The following C15orf40 variants were observed in gnomAD, a reference collection of about 807,000 sequenced individuals.
C15orf40 encodes UPF0235 protein C15orf40.
A neutral mutation model predicts 13.9 loss-of-function variants in C15orf40; 9 were observed. The observed-to-expected ratio is 0.65, with a 90% CI of 0.39 to 1.13. C15orf40 has a LOEUF of 1.13. Among genes scored for constraint, C15orf40 ranks in the 50% most tolerant of loss-of-function variants. C15orf40 has a pLI of 0.01. For missense variants in C15orf40, 225 were observed against 188.5 expected (o/e 1.19, Z -1.13); for synonymous variants, 95 against 69.2 (o/e 1.37, Z -1.85).
rs1234772034 is a variant in C15orf40, at chr15:82,999,488, G to A, written c.*6109C>T. ...TGGGATTACAAGCGTGAGCCAACAT[G>A]GCCAGCCTTACCTTTTACTTTTAAA... On this transcript the variant is annotated 3_prime_UTR_variant, in exon 4 of 4. Transcript: ENST00000304177. 6.6e-6 allele frequency: 1 copy of A among 152,120 alleles called. No homozygotes were observed. Among genetic ancestry groups the A allele is most frequent in the Non-Finnish European group, 1.5e-5 (1 of 68,048 alleles). The allele number at this position is 152,120 out of a possible 1,614,324, so 9.4% of individuals were successfully genotyped here.
chr15:83,007,649 G>C (rs1022437961), intron 3 of C15orf40, among the ~76,000 whole-genome samples: 2 of 152,196 alleles, frequency 1.3e-5, no homozygotes, highest in African/African-American at 4.8e-5. Context: ...CCAGCACTTT[G>C]GGAGGCTGAG....
chr15:83,011,546 GCGGA>G lies in C15orf40; in HGVS notation c.58_61del (p.Ser20LeufsTer32). ...AGGCATCTCGGCGCAAAGAAGCCGA[GCGGA>G]GCCCCGAGTATTGGGTGTTGCCCGA... is the stretch of plus-strand genomic sequence containing the variant. On this transcript the variant is annotated frameshift_variant, in exon 1 of 4. Transcript: ENST00000304177. LOFTEE classifies it high-confidence loss of function. 1 of 1,606,478 alleles carries G rather than the reference GCGGA, an allele frequency of 6.2e-7. No individual in the cohort carries two copies. The highest frequency in any genetic ancestry group is 8.5e-7 in the Non-Finnish European group (1 of 1,178,386).
rs976510394 is a variant in C15orf40 at position 83,003,951 on chromosome 15, T to A, written c.*1646A>T. 2.0e-5 allele frequency: 3 copies of A among 152,306 alleles called. No individual in the cohort carries two copies. The highest frequency in any genetic ancestry group is 3.9e-4 in the East Asian group (2 of 5,188). The allele number at this position is 152,306 out of a possible 1,614,324, so 9.4% of individuals were successfully genotyped here. A position where few individuals can be genotyped will look rare whatever the true frequency, so the allele number is the denominator to read the frequency against. Reference sequence around the variant, plus strand: ...TTAGTAGAGATGGGGTTTTACTATGTTGGCCGGGCTGGTCTCAAACTCCTA... The same window carrying A: ...TTAGTAGAGATGGGGTTTTACTATGATGGCCGGGCTGGTCTCAAACTCCTA... On this transcript the variant is annotated 3_prime_UTR_variant, in exon 4 of 4. Coordinates refer to ENST00000304177, the MANE Select transcript of C15orf40 (RefSeq NM_144597.3).
In C15orf40 at chr15:82,997,100, T is replaced by C. The variant is rs1402503604; in HGVS notation, c.*8497A>G. The C allele has an allele frequency of 6.7e-6, 1 of 150,058 alleles. No homozygotes were observed. Among genetic ancestry groups the C allele is most frequent in the Non-Finnish European group, 1.5e-5 (1 of 67,552 alleles). 9.3% of individuals were successfully genotyped at this position (150,058 alleles called of 1,614,324 possible). A position where few individuals can be genotyped will look rare whatever the true frequency, so the allele number is the denominator to read the frequency against. ...CTGTTATTTTCCTGTCTTTATTCAC[T>C]GTTCTCTATCTTGCCTTCTAAATTT... On this transcript the variant is annotated 3_prime_UTR_variant, in exon 4 of 4. Transcript: ENST00000304177.
chr15:83,009,474 A>T (rs2031877794), intron 2 of C15orf40, among the ~76,000 whole-genome samples: 1 of 152,242 alleles, frequency 6.6e-6, no homozygotes, highest in Admixed American at 6.5e-5. Context: ...TAGCACGTCA[A>T]TGTTGTGGTT....
chr15:83,005,075 C>T lies in C15orf40; in HGVS notation c.*522G>A, dbSNP rs142588352. 388 of 1,192,090 alleles carry T rather than the reference C, an allele frequency of 3.3e-4. No individual in the cohort carries two copies. The highest frequency in any genetic ancestry group is 3.2e-4 in the Non-Finnish European group (299 of 928,996). The allele number at this position is 1,192,090 out of a possible 1,614,324, so 73.8% of individuals were successfully genotyped here. A position where few individuals can be genotyped will look rare whatever the true frequency, so the allele number is the denominator to read the frequency against. Reference sequence around the variant, plus strand: ...CTGTTATTTTACAACGCCATGAAATCAGAGTAACATGTTCCAGGCTGTTTG... The same window carrying T: ...CTGTTATTTTACAACGCCATGAAATTAGAGTAACATGTTCCAGGCTGTTTG... On this transcript the variant is annotated 3_prime_UTR_variant, in exon 4 of 4. Transcript: ENST00000304177.
At chr15:82,992,083 G>A (rs760182005), downstream of C15orf40, 4 of 422,428 alleles carry the variant, frequency 9.5e-6, no homozygotes, top group South Asian at 3.6e-5. Context: ...GGGTGTGGTG[G>A]TGCACGCCTG....
chr15:83,008,387 C>G (rs757128988), intron 3 of C15orf40, 161 bp downstream of exon 3: 1 of 634,362 alleles, frequency 1.6e-6, no homozygotes, highest in Non-Finnish European at 2.7e-6. Context: ...GGCATGGTGG[C>G]ATGCGCCTAT....
At position 83,001,477 on chromosome 15, in the gene C15orf40, A is replaced by T. The variant is rs1240499744; in HGVS notation, c.*4120T>A. The T allele has an allele frequency of 5.1e-6, 1 of 197,328 alleles. No homozygotes were observed. The highest frequency in any genetic ancestry group is 9.1e-6 in the Non-Finnish European group (1 of 109,576). 12.2% of individuals were successfully genotyped at this position (197,328 alleles called of 1,614,324 possible). A position where few individuals can be genotyped will look rare whatever the true frequency, so the allele number is the denominator to read the frequency against. ...CTTATTCATAGGCTGCTTCAAATCC[A>T]GGATTCTCAGGACAGCACAGGACAA... On this transcript the variant is annotated 3_prime_UTR_variant, in exon 4 of 4. Transcript: ENST00000304177.
At position 83,011,609 on chromosome 15, in the gene C15orf40, C is replaced by T. The variant is rs1428575901; in HGVS notation, c.-2G>A. Reference sequence around the variant, plus strand: ...CAGCCCGCTGCGGAGCCGCAGCATCCCCGCCTGGGAAGGCGCCGGAAGAGC... The same window carrying T: ...CAGCCCGCTGCGGAGCCGCAGCATCTCCGCCTGGGAAGGCGCCGGAAGAGC... On this transcript the variant is annotated 5_prime_UTR_variant, in exon 1 of 4. Coordinates refer to ENST00000304177, the MANE Select transcript of C15orf40 (RefSeq NM_144597.3). 1.3e-6 allele frequency: 2 copies of T among 1,575,344 alleles called. No individual in the cohort carries two copies. The highest frequency in any genetic ancestry group is 1.4e-5 in the African/African-American group (1 of 73,468).
Position 83,001,309 on chromosome 15 carries a change from G to A in C15orf40, c.*4288C>T. The stretch of plus-strand genomic sequence containing the variant: ...ATAGGCAAACCACCTAGCAGTGTCT[G>A]TCAAGTAAGCAACCAAGTTAATAAG... On this transcript the variant is annotated 3_prime_UTR_variant, in exon 4 of 4. Transcript: ENST00000304177. 1.0e-6 allele frequency: 1 copy of A among 985,424 alleles called. No homozygotes were observed. The allele number at this position is 985,424 out of a possible 1,614,324, so 61.0% of individuals were successfully genotyped here.
At chr15:82,992,091 C>T (rs1039796184), downstream of C15orf40, 8 of 406,764 alleles carry the variant, frequency 2.0e-5, no homozygotes, top group African/African-American at 1.6e-4. Flanking sequence ...TGGTGCACGC[C>T]TGTAGTCCTA....
rs1407936561 is a variant in C15orf40 at position 83,001,305 on chromosome 15, GTC to G, written c.*4290_*4291del. On this transcript the variant is annotated 3_prime_UTR_variant, in exon 4 of 4. Coordinates refer to ENST00000304177, the MANE Select transcript of C15orf40 (RefSeq NM_144597.3). ...CAGCATAGGCAAACCACCTAGCAGTGTCTGTCAAGTAAGCAACCAAGTTAATA... is the reference window on the plus strand; with the variant it reads ...CAGCATAGGCAAACCACCTAGCAGTGTGTCAAGTAAGCAACCAAGTTAATA... The G allele has an allele frequency of 3.0e-6, 3 of 985,480 alleles. No individual in the cohort carries two copies. Among genetic ancestry groups the G allele is most frequent in the Non-Finnish European group, 3.6e-6 (3 of 829,928 alleles). The allele number at this position is 985,480 out of a possible 1,614,324, so 61.0% of individuals were successfully genotyped here.
At chr15:82,993,713 G>C (rs1468144384), downstream of C15orf40, among the ~76,000 whole-genome samples, 1 of 152,158 alleles carries the variant, frequency 6.6e-6, no homozygotes, top group Non-Finnish European at 1.5e-5. Flanking sequence ...GCTGAGGCTG[G>C]AGAATCGCTT....
At position 83,010,493 on chromosome 15, in the gene C15orf40, G is replaced by A. The variant is rs2031941128; in HGVS notation, c.112-130C>T. ...CATCAGTGGTGTCCAGGGACTTCTG[G>A]CCACCTAGAAAGCTTTTCCCACAAC... On this transcript the variant is annotated intron_variant, in intron 1 of 3. Coordinates refer to ENST00000304177, the MANE Select transcript of C15orf40 (RefSeq NM_144597.3). 7.4e-6 allele frequency: 8 copies of A among 1,080,174 alleles called. No homozygotes were observed. In the South Asian group the frequency reaches 7.7e-5, roughly 10 times the overall value. The allele number at this position is 1,080,174 out of a possible 1,614,324, so 66.9% of individuals were successfully genotyped here.
At position 83,000,086 on chromosome 15, in the gene C15orf40, C is replaced by G. The variant is rs1476877051; in HGVS notation, c.*5511G>C. 6.6e-6 allele frequency: 1 copy of G among 152,148 alleles called. No homozygotes were observed. Among genetic ancestry groups the G allele is most frequent in the African/African-American group, 2.4e-5 (1 of 41,432 alleles). The allele number at this position is 152,148 out of a possible 1,614,324, so 9.4% of individuals were successfully genotyped here. A position where few individuals can be genotyped will look rare whatever the true frequency, so the allele number is the denominator to read the frequency against. On this transcript the variant is annotated 3_prime_UTR_variant, in exon 4 of 4. Coordinates refer to ENST00000304177, the MANE Select transcript of C15orf40 (RefSeq NM_144597.3). ...CTATAGATGGTCATAGCTCCCTTACCCTGGCCCCTAATTTCCCTGGCTCTG... is the reference window on the plus strand; with the variant it reads ...CTATAGATGGTCATAGCTCCCTTACGCTGGCCCCTAATTTCCCTGGCTCTG...
chr15:83,001,178 G>T lies in C15orf40; in HGVS notation c.*4419C>A. 1.0e-6 allele frequency: 1 copy of T among 985,462 alleles called. No individual in the cohort carries two copies. The highest frequency in any genetic ancestry group is 1.7e-5 in the African/African-American group (1 of 57,356). 61.0% of individuals were successfully genotyped at this position (985,462 alleles called of 1,614,324 possible). The stretch of plus-strand genomic sequence containing the variant: ...TTGCTGTCCCTCCCCTAACCGAGAG[G>T]AAAGTGTGGAATGGCTCACAGAAAT... On this transcript the variant is annotated 3_prime_UTR_variant, in exon 4 of 4. Transcript: ENST00000304177.
intron 3 of C15orf40, chr15:83,006,552 G>C: frequency 1.2e-6 from 1 of 806,462 alleles, no homozygotes; most frequent in Non-Finnish European, 1.5e-6. Flanking sequence ...CTGAGGTCAG[G>C]AGTTCGAGAC....
Position 83,005,305 on chromosome 15 carries a change from A to G in C15orf40, c.*292T>C, listed in dbSNP as rs1850309264. On this transcript the variant is annotated 3_prime_UTR_variant, in exon 4 of 4. Coordinates refer to ENST00000304177, the MANE Select transcript of C15orf40 (RefSeq NM_144597.3). ...TTTTTATTTCTTTTTTTTCGGGGGG[A>G]GAGAGTTTCACTCTTGTTGCCCAGG... 1.0e-6 allele frequency: 1 copy of G among 980,956 alleles called. No homozygotes were observed. The highest frequency in any genetic ancestry group is 3.8e-5 in the South Asian group (1 of 26,252). 60.8% of individuals were successfully genotyped at this position (980,956 alleles called of 1,614,324 possible). A position where few individuals can be genotyped will look rare whatever the true frequency, so the allele number is the denominator to read the frequency against.
Sources: gnomAD v4.1 joint callset for allele counts (sites outside exome capture counted in the v4.1 genomes callset) on GRCh38, gnomAD v4.1.1 for gene constraint, MANE v1.5 for transcripts, NCBI Gene and HGNC (gene_info 2026-07-23, HGNC 2026-07-21) for gene names.